Variants in DCDC2 observed in about 807,000 individuals in gnomAD.
DCDC2 encodes the protein doublecortin domain-containing protein 2.
In DCDC2, 40 loss-of-function variants were observed where a neutral mutation model predicts 50.2. The observed-to-expected ratio is 0.80, with a 90% CI of 0.62 to 1.04. The LOEUF (loss-of-function observed/expected upper bound fraction) is 1.04. Ranked by LOEUF, DCDC2 falls within the 50% of genes least tolerant of loss-of-function variation. The pLI is 0.00. For synonymous variants in DCDC2, 234 were observed against 210.6 expected (o/e 1.11, Z -0.96); for missense variants, 570 against 581.9 (o/e 0.98, Z 0.21).
chr6:24,285,049 TACATGCACACACAC>T (rs1763567095), intron 6 of DCDC2, among the ~76,000 whole-genome samples: 1 of 151,576 alleles, frequency 6.6e-6, no homozygotes, highest in Non-Finnish European at 1.5e-5. Context: ...CACACACACA[TACATGCACACACAC>T]ACACTAGAAT....
chr6:24,237,404 C>T (rs1464252863), intron 7 of DCDC2, among the ~76,000 whole-genome samples: 1 of 151,868 alleles, frequency 6.6e-6, no homozygotes, highest in Non-Finnish European at 1.5e-5. Flanking sequence ...ATTGCAAAAA[C>T]AAAAGTCAAA....
intron 2 of DCDC2, among the ~76,000 whole-genome samples, chr6:24,303,505 C>T (rs767504440): frequency 1.8e-4 from 27 of 152,164 alleles, no homozygotes; most frequent in Non-Finnish European, 3.4e-4. Flanking sequence ...TCTTCAAGGC[C>T]CAGCTCAGTT....
At chr6:24,205,218 T>C (rs1403901120) in intron 7 of DCDC2, 116 bp from the exon 8 acceptor site, 8 of 1,610,324 alleles carry the variant, frequency 5.0e-6, no homozygotes, top group Non-Finnish European at 5.9e-6. Flanking sequence ...CCTTTTTAGT[T>C]GATAGTATTT....
At chr6:24,359,004 TTATATATTA>T, upstream of DCDC2, among the ~76,000 whole-genome samples, 1 of 24,348 alleles carries the variant, frequency 4.1e-5, no homozygotes, top group Non-Finnish European at 6.8e-5. Context: ...ATTATATATT[TTATATATTA>T]TATATTTTAT....
upstream of DCDC2, among the ~76,000 whole-genome samples, chr6:24,358,814 A>ATT (rs1395465822): frequency 9.7e-5 from 3 of 30,976 alleles, no homozygotes; most frequent in African/African-American, 3.1e-4. Flanking sequence ...TATTATATAT[A>ATT]AATATATATA....
At chr6:24,372,395 G>A in the DCDC2 span, among the ~76,000 whole-genome samples, 16 of 151,828 alleles carry the variant, frequency 1.1e-4, no homozygotes, top group Admixed American at 9.8e-4. Flanking sequence ...CTCCAGCCTC[G>A]GAGAGAAAGC....
chr6:24,339,204 C>T (rs1374608441), intron 2 of DCDC2, among the ~76,000 whole-genome samples: 1 of 151,952 alleles, frequency 6.6e-6, no homozygotes. Context: ...CATACTCATT[C>T]CCTTTAGGTC....
chr6:24,270,462 C>A (rs1006464126), intron 7 of DCDC2, among the ~76,000 whole-genome samples: 2 of 152,018 alleles, frequency 1.3e-5, no homozygotes, highest in African/African-American at 4.8e-5. Flanking sequence ...TATAATTGAC[C>A]TACATGCACA....
intron 2 of DCDC2, among the ~76,000 whole-genome samples, chr6:24,310,555 C>T (rs544705338): frequency 6.1e-4 from 93 of 152,248 alleles, no homozygotes; most frequent in Admixed American, 4.5e-3. Flanking sequence ...TTAACCCAAA[C>T]ACTCTCTTGG....
intron 2 of DCDC2, among the ~76,000 whole-genome samples, chr6:24,306,535 TAGATAGATAGAC>T (rs1193044557): frequency 2.9e-3 from 346 of 119,178 alleles, no homozygotes; most frequent in African/African-American, 7.2e-3. Flanking sequence ...GATAGATAGA[TAGATAGATAGAC>T]AGACAGACAG....
At chr6:24,278,753 A>G (rs1044178737) in intron 6 of DCDC2, among the ~76,000 whole-genome samples, 1 of 152,186 alleles carries the variant, frequency 6.6e-6, no homozygotes, top group African/African-American at 2.4e-5. Context: ...CAATTAATCT[A>G]CAAATACCTT....
At chr6:24,237,592 T>C (rs550344328) in intron 7 of DCDC2, among the ~76,000 whole-genome samples, 139 of 152,244 alleles carry the variant, frequency 9.1e-4, no homozygotes, top group African/African-American at 3.3e-3. Context: ...GGAAAATAAA[T>C]CCTTCTATCG....
chr6:24,272,640 A>G (rs1204587567), intron 7 of DCDC2, among the ~76,000 whole-genome samples: 1 of 152,232 alleles, frequency 6.6e-6, no homozygotes, highest in Non-Finnish European at 1.5e-5. Context: ...TCATCACAGA[A>G]ATGCAAATTA....
At chr6:24,238,824 G>A (rs1321096394) in intron 7 of DCDC2, among the ~76,000 whole-genome samples, 1 of 152,144 alleles carries the variant, frequency 6.6e-6, no homozygotes, top group Non-Finnish European at 1.5e-5. Context: ...AAGATTACAG[G>A]GAATAGATTA....
intron 6 of DCDC2, among the ~76,000 whole-genome samples, chr6:24,281,116 C>T (rs888296554): frequency 1.3e-5 from 2 of 151,836 alleles, no homozygotes; most frequent in African/African-American, 2.4e-5. Flanking sequence ...AGGAAAGTTC[C>T]GATTTATCAA....
intron 8 of DCDC2, among the ~76,000 whole-genome samples, chr6:24,182,990 CT>C (rs1761114556): frequency 6.6e-6 from 1 of 152,120 alleles, no homozygotes; most frequent in Non-Finnish European, 1.5e-5. Context: ...AAAGAAAATT[CT>C]GATGCAAAAT....
At chr6:24,208,251 C>G (rs1428038129) in intron 7 of DCDC2, among the ~76,000 whole-genome samples, 1 of 151,844 alleles carries the variant, frequency 6.6e-6, no homozygotes, top group Admixed American at 6.6e-5. Context: ...CAACAGCAGA[C>G]TTACTCATGG....
chr6:24,262,962 AGTG>A (rs1265103926), intron 7 of DCDC2, among the ~76,000 whole-genome samples: 1 of 152,192 alleles, frequency 6.6e-6, no homozygotes, highest in Non-Finnish European at 1.5e-5. Context: ...GTGCAGTCCC[AGTG>A]GTGGTGGCCA....
intron 7 of DCDC2, 93 bp from the exon 8 acceptor site, chr6:24,205,195 G>C (rs1452493564): frequency 6.2e-7 from 1 of 1,613,820 alleles, no homozygotes; most frequent in Admixed American, 1.7e-5. Context: ...ATTTTTAATA[G>C]ACATTTGGAT....
Sources: gnomAD v4.1 joint callset for allele counts (sites outside exome capture counted in the v4.1 genomes callset) on GRCh38, gnomAD v4.1.1 for gene constraint, MANE v1.5 for transcripts, NCBI Gene and HGNC (gene_info 2026-07-23, HGNC 2026-07-21) for gene names.